Variants in KCTD1 observed in about 807,000 individuals in gnomAD.
KCTD1 encodes BTB/POZ domain-containing protein KCTD1.
KCTD1 carries 24 observed loss-of-function variants against 66.0 expected under a neutral mutation model. The ratio of observed to expected loss-of-function variants is 0.36; its 90% CI spans 0.26 to 0.51. The LOEUF is 0.51. Among genes scored for constraint, KCTD1 ranks in the 20% least tolerant of loss-of-function variants. KCTD1 has a pLI of 0.95. For synonymous variants in KCTD1, 511 were observed against 517.2 expected (o/e 0.99, Z 0.16); for missense variants, 943 against 1,205.2 (o/e 0.78, Z 3.22).
At chr18:26,600,118 G>A (rs536482254) in intron 1 of KCTD1, 11 of 1,610,416 alleles carry the variant, frequency 6.8e-6, no homozygotes, top group Middle Eastern at 2.3e-4. Context: ...TTCTTGTGGG[G>A]AAGGGAAAAA....
chr18:26,657,316 C>A, intron 1 of KCTD1: 1 of 985,238 alleles, frequency 1.0e-6, no homozygotes, highest in Non-Finnish European at 1.2e-6. Context: ...CCCAGCCATA[C>A]CCTCCTTAGC....
chr18:26,600,775 T>C (rs1175635149), intron 1 of KCTD1, among the ~76,000 whole-genome samples: 1 of 151,686 alleles, frequency 6.6e-6, no homozygotes, highest in Non-Finnish European at 1.5e-5. Context: ...ACTCCATTCT[T>C]TGTGACACGA....
intron 1 of KCTD1, chr18:26,566,333 T>G (rs1481089728): frequency 1.3e-5 from 2 of 152,290 alleles, no homozygotes; most frequent in Non-Finnish European, 2.9e-5. Flanking sequence ...ATAAGGACAG[T>G]TTCTGCCCAG....
At chr18:26,615,053 T>C (rs1251820426) in intron 1 of KCTD1, among the ~76,000 whole-genome samples, 3 of 152,226 alleles carry the variant, frequency 2.0e-5, no homozygotes, top group Admixed American at 1.3e-4. Flanking sequence ...ATGAATTCCA[T>C]GCAATCAGTA....
intron 1 of KCTD1, among the ~76,000 whole-genome samples, chr18:26,559,495 A>C (rs1015937003): frequency 3.3e-5 from 5 of 152,370 alleles, no homozygotes; most frequent in Admixed American, 6.5e-5. Flanking sequence ...GCACACGCTC[A>C]GGTGATTATG....
At chr18:26,522,841 T>C (rs1378280812) in intron 1 of KCTD1, among the ~76,000 whole-genome samples, 1 of 152,130 alleles carries the variant, frequency 6.6e-6, no homozygotes, top group East Asian at 1.9e-4. Flanking sequence ...CATTTTCTGA[T>C]ATAGAAACTG....
upstream of KCTD1, chr18:26,549,315 G>A: frequency 1.0e-6 from 1 of 985,502 alleles, no homozygotes; most frequent in Non-Finnish European, 1.2e-6. Context: ...CTCTTGCAAA[G>A]GAGCGAAACA....
intron 1 of KCTD1, among the ~76,000 whole-genome samples, chr18:26,639,248 G>A (rs999909196): frequency 2.6e-5 from 4 of 152,214 alleles, no homozygotes; most frequent in African/African-American, 7.2e-5. Flanking sequence ...AGAAGACGAT[G>A]CAGGACACAG....
At chr18:26,483,777 G>A (rs1981772969) in intron 2 of KCTD1, among the ~76,000 whole-genome samples, 1 of 152,132 alleles carries the variant, frequency 6.6e-6, no homozygotes. Flanking sequence ...GCACACATGA[G>A]AGGCATGTGC....
At chr18:26,599,448 G>A in intron 1 of KCTD1, 2 of 1,611,942 alleles carry the variant, frequency 1.2e-6, no homozygotes, top group Non-Finnish European at 1.7e-6. Context: ...TGTGGCAGTG[G>A]TCTGGGATAA....
chr18:26,588,129 C>T (rs1986511072), intron 1 of KCTD1, among the ~76,000 whole-genome samples: 1 of 152,138 alleles, frequency 6.6e-6, no homozygotes, highest in African/African-American at 2.4e-5. Context: ...ATACTTGTCT[C>T]AATTTAAGAA....
At chr18:26,651,070 T>C (rs1988022127) in intron 1 of KCTD1, among the ~76,000 whole-genome samples, 1 of 152,262 alleles carries the variant, frequency 6.6e-6, no homozygotes, top group Non-Finnish European at 1.5e-5. Flanking sequence ...TCACATGTTC[T>C]GATCACAACA....
At chr18:26,577,232 C>G (rs1468731770) in intron 1 of KCTD1, among the ~76,000 whole-genome samples, 1 of 152,212 alleles carries the variant, frequency 6.6e-6, no homozygotes, top group Non-Finnish European at 1.5e-5. Flanking sequence ...AGACTTCTCT[C>G]AGCTTCATCA....
chr18:26,509,912 G>A (rs1010443034), intron 1 of KCTD1, among the ~76,000 whole-genome samples: 1 of 152,172 alleles, frequency 6.6e-6, no homozygotes, highest in African/African-American at 2.4e-5. Flanking sequence ...TCTAAGACAG[G>A]AATAAATCGC....
chr18:26,618,643 G>C (rs780608155), intron 1 of KCTD1, among the ~76,000 whole-genome samples: 1 of 152,180 alleles, frequency 6.6e-6, no homozygotes, highest in Non-Finnish European at 1.5e-5. Flanking sequence ...TACACGACTC[G>C]ATGTGCTGCA....
At chr18:26,544,490 G>C (rs149483866) in intron 1 of KCTD1, 1 of 152,192 alleles carries the variant, frequency 6.6e-6, no homozygotes, top group Admixed American at 6.5e-5. Flanking sequence ...GTGGAATTCC[G>C]TATGACACTA....
At chr18:26,489,306 G>A (rs1004574082) in intron 2 of KCTD1, among the ~76,000 whole-genome samples, 16 of 152,288 alleles carry the variant, frequency 1.1e-4, no homozygotes, top group Admixed American at 2.0e-4. Context: ...CTGGTGATGC[G>A]GTGGACCAGA....
chr18:26,546,580 A>G, intron 1 of KCTD1, 148 bp downstream of exon 1: 1 of 884,496 alleles, frequency 1.1e-6, no homozygotes, highest in Non-Finnish European at 1.6e-6. Context: ...GCACCAAGAG[A>G]GTTAACTTCT....
In KCTD1 at chr18:26,547,047, G is replaced by T. The variant is rs1355572437; in HGVS notation, c.1490C>A (p.Thr497Asn). 1 of 1,493,522 alleles carries T rather than the reference G, an allele frequency of 6.7e-7. No individual in the cohort carries two copies. Among genetic ancestry groups the T allele is most frequent in the Admixed American group, 2.0e-5 (1 of 49,332 alleles). The allele number at this position is 1,493,522 out of a possible 1,614,324, so 92.5% of individuals were successfully genotyped here. A position where few individuals can be genotyped will look rare whatever the true frequency, so the allele number is the denominator to read the frequency against. The change falls in exon 1 of 5, where the codon ACC becomes AAC. Residue 497 changes from threonine to asparagine, a missense_variant. By Grantham distance (65) the Thr-to-Asn change is moderately conservative. Transcript: ENST00000580059. Reference protein sequence around the residue: ...AARHHSHHPPTHPSHHHRPQP... With the variant: ...AARHHSHHPPNHPSHHHRPQP... The stretch of plus-strand genomic sequence containing the variant: ...GGGGCGGTGGTGGTGGGAGGGATGG[G>T]TGGGGGGGTGGTGGGAGTGGTGCCG...
Sources: allele counts gnomAD v4.1 joint callset (sites outside exome capture counted in the v4.1 genomes callset), GRCh38; gene constraint gnomAD v4.1.1; transcripts MANE v1.5; gene names NCBI Gene and HGNC (gene_info 2026-07-23, HGNC 2026-07-21).